ABTB3: variants seen among roughly 807,000 people sequenced by gnomAD.
ABTB3 encodes ankyrin repeat- and BTB/POZ domain-containing protein 3.
chr12:107,521,673 TC>T, the ABTB3 span, among the ~76,000 whole-genome samples: 4 of 148,468 alleles, frequency 2.7e-5, no homozygotes, highest in South Asian at 6.5e-4. Context: ...TACTTCCATG[TC>T]CCCCCACCCC....
the ABTB3 span, among the ~76,000 whole-genome samples, chr12:107,460,497 T>G: frequency 2.0e-5 from 3 of 151,926 alleles, no homozygotes; most frequent in African/African-American, 4.8e-5. Flanking sequence ...TCTACTAAAA[T>G]ACAAAAATAA....
At chr12:107,534,096 G>A in the ABTB3 span, among the ~76,000 whole-genome samples, 3 of 152,214 alleles carry the variant, frequency 2.0e-5, no homozygotes, top group East Asian at 1.9e-4. Context: ...CTACTCAGGA[G>A]GCTGAGGCAG....
chr12:107,580,806 C>A, the ABTB3 span: 1 of 1,510,854 alleles, frequency 6.6e-7, no homozygotes, highest in Non-Finnish European at 8.9e-7. Flanking sequence ...CTTGGTGCTT[C>A]AAGTGACTCA....
At chr12:107,617,656 T>C in the ABTB3 span, 1 of 569,478 alleles carries the variant, frequency 1.8e-6, no homozygotes, top group East Asian at 3.0e-5. Context: ...TACCTGCTCC[T>C]GGCCAGCTTT....
At chr12:107,441,419 A>G in the ABTB3 span, among the ~76,000 whole-genome samples, 3 of 152,134 alleles carry the variant, frequency 2.0e-5, no homozygotes, top group African/African-American at 4.8e-5. Context: ...ATGAGAACAC[A>G]TCGACACAAG....
chr12:107,383,307 G>GC, the ABTB3 span, among the ~76,000 whole-genome samples: 1 of 152,196 alleles, frequency 6.6e-6, no homozygotes, highest in Non-Finnish European at 1.5e-5. Flanking sequence ...CCTGAGTTTA[G>GC]CATTTGCCTC....
the ABTB3 span, among the ~76,000 whole-genome samples, chr12:107,483,983 T>G: frequency 3.1e-3 from 470 of 152,314 alleles, 9 homozygotes; most frequent in African/African-American, 0.011. Context: ...GGAGCCATCA[T>G]GCTCAGCCAG....
the ABTB3 span, among the ~76,000 whole-genome samples, chr12:107,450,582 A>G: frequency 4.3e-4 from 66 of 152,204 alleles, no homozygotes; most frequent in Admixed American, 5.9e-4. Context: ...TCAGTGGTCT[A>G]GGACAAGGTC....
the ABTB3 span, among the ~76,000 whole-genome samples, chr12:107,450,741 G>C: frequency 6.6e-6 from 1 of 152,110 alleles, no homozygotes; most frequent in African/African-American, 2.4e-5. Flanking sequence ...TGGTTAGTCT[G>C]GTCTTTAGGC....
At chr12:107,495,265 T>C in the ABTB3 span, among the ~76,000 whole-genome samples, 4 of 152,062 alleles carry the variant, frequency 2.6e-5, no homozygotes, top group African/African-American at 7.2e-5. Context: ...GTCCAGCCTG[T>C]TGGGGGAAGC....
chr12:107,626,508 G>T, the ABTB3 span, among the ~76,000 whole-genome samples: 3 of 151,962 alleles, frequency 2.0e-5, no homozygotes, highest in African/African-American at 7.2e-5. Flanking sequence ...AGTATGCCCG[G>T]CTAATTTTTT....
the ABTB3 span, among the ~76,000 whole-genome samples, chr12:107,584,793 C>T: frequency 6.6e-6 from 1 of 152,148 alleles, no homozygotes; most frequent in Non-Finnish European, 1.5e-5. Flanking sequence ...CAAAAGCTGC[C>T]AGAGCTCTGC....
At chr12:107,495,731 G>T in the ABTB3 span, among the ~76,000 whole-genome samples, 2 of 152,192 alleles carry the variant, frequency 1.3e-5, no homozygotes, top group Non-Finnish European at 2.9e-5. Flanking sequence ...GTTCCTGGCA[G>T]CTTCTCATTG....
At chr12:107,618,086 C>T in the ABTB3 span, 1 of 1,452,482 alleles carries the variant, frequency 6.9e-7, no homozygotes, top group African/African-American at 1.4e-5. Flanking sequence ...CTTCCCCAGC[C>T]TGCCCCTGCC....
At chr12:107,632,198 C>T in the ABTB3 span, among the ~76,000 whole-genome samples, 59 of 152,260 alleles carry the variant, frequency 3.9e-4, no homozygotes, top group East Asian at 9.7e-3. Flanking sequence ...TAATCAATAC[C>T]TCCTGAATCG....
the ABTB3 span, among the ~76,000 whole-genome samples, chr12:107,385,282 A>C: frequency 2.6e-5 from 4 of 152,186 alleles, no homozygotes; most frequent in Non-Finnish European, 2.9e-5. Context: ...TAGACAAGTC[A>C]ACACTTGGAA....
chr12:107,402,396 C>A, the ABTB3 span, among the ~76,000 whole-genome samples: 2 of 152,172 alleles, frequency 1.3e-5, no homozygotes, highest in Non-Finnish European at 2.9e-5. Context: ...GTCTTAACCT[C>A]TCTGAGCCTT....
chr12:107,522,717 G>A, the ABTB3 span, among the ~76,000 whole-genome samples: 1 of 146,436 alleles, frequency 6.8e-6, no homozygotes, highest in African/African-American at 2.5e-5. Context: ...AGAGGGGTTG[G>A]GAAATGGGAA....
chr12:107,484,408 GAGTTCAAAGAACA>G, the ABTB3 span, among the ~76,000 whole-genome samples: 3 of 152,200 alleles, frequency 2.0e-5, no homozygotes, highest in African/African-American at 7.2e-5. Context: ...GTTAAAGTAG[GAGTTCAAAGAACA>G]AGTTCAAAGA....
Sources: gnomAD v4.1 joint callset for allele counts (sites outside exome capture counted in the v4.1 genomes callset) on GRCh38, gnomAD v4.1.1 for gene constraint, MANE v1.5 for transcripts, NCBI Gene and HGNC (gene_info 2026-07-23, HGNC 2026-07-21) for gene names.